The following CHRM2 variants were observed in gnomAD, a reference collection of about 807,000 sequenced individuals.
The protein encoded by CHRM2 is cholinergic receptor muscarinic 2.
A neutral mutation model predicts 25.0 loss-of-function variants in CHRM2; 8 were observed. The observed-to-expected ratio is 0.32, with a 90% CI of 0.19 to 0.58. The LOEUF (loss-of-function observed/expected upper bound fraction) is 0.58, where lower values mean the gene tolerates loss of function less well. Among genes scored for constraint, CHRM2 ranks in the 20% least tolerant of loss-of-function variants. The pLI is 0.88. For missense variants in CHRM2, 440 were observed against 567.1 expected, an observed-to-expected ratio of 0.78 and a Z score of 2.28; for synonymous variants, 202 against 205.7, an observed-to-expected ratio of 0.98 and a Z score of 0.15.
At position 137,017,424 on chromosome 7, in the gene CHRM2, A is replaced by G. The variant is rs1318550283; in HGVS notation, c.*1158A>G. On this transcript the variant is annotated 3_prime_UTR_variant, in exon 4 of 4. Transcript: ENST00000680005. ...TTGGAATCCTAAACAGGATTAACATACTCACATAGCACCAGTGATTTCTGG... is the reference window on the plus strand; with the variant it reads ...TTGGAATCCTAAACAGGATTAACATGCTCACATAGCACCAGTGATTTCTGG... 4 of 151,950 alleles carry G rather than the reference A, an allele frequency of 2.6e-5. No homozygotes were observed. In the South Asian group the frequency reaches 8.3e-4, roughly 31 times the overall value. The allele number at this position is 151,950 out of a possible 1,614,324, so 9.4% of individuals were successfully genotyped here. A position where few individuals can be genotyped will look rare whatever the true frequency, so the allele number is the denominator to read the frequency against.
intron 2 of CHRM2, among the ~76,000 whole-genome samples, chr7:136,888,745 C>T (rs964997457): frequency 2.0e-5 from 3 of 152,092 alleles, no homozygotes; most frequent in Non-Finnish European, 4.4e-5. Flanking sequence ...AGAATATTGG[C>T]GTGCTTGTTC....
At chr7:136,879,842 C>G (rs532112237) in intron 2 of CHRM2, among the ~76,000 whole-genome samples, 60 of 151,866 alleles carry the variant, frequency 4.0e-4, no homozygotes, top group Non-Finnish European at 7.4e-4. Flanking sequence ...GAAAGAAAGG[C>G]GGCCATCTTT....
At chr7:136,909,699 TAG>T (rs1241286801) in intron 2 of CHRM2, among the ~76,000 whole-genome samples, 12 of 152,054 alleles carry the variant, frequency 7.9e-5, no homozygotes, top group Middle Eastern at 3.4e-3. Context: ...CATGTTTATA[TAG>T]AGTCTTATAT....
chr7:136,978,588 C>T (rs1802266744), intron 2 of CHRM2, among the ~76,000 whole-genome samples: 1 of 152,120 alleles, frequency 6.6e-6, no homozygotes, highest in African/African-American at 2.4e-5. Flanking sequence ...TCTCCTAATG[C>T]TATCCCTTCC....
chr7:136,970,608 A>G (rs1407316457), intron 2 of CHRM2, among the ~76,000 whole-genome samples: 2 of 152,194 alleles, frequency 1.3e-5, no homozygotes, highest in Non-Finnish European at 2.9e-5. Flanking sequence ...ATAAAAGATA[A>G]TTGCTTGCTT....
chr7:136,944,575 A>G (rs904333098), intron 2 of CHRM2, among the ~76,000 whole-genome samples: 4 of 152,068 alleles, frequency 2.6e-5, no homozygotes, highest in South Asian at 4.1e-4. Context: ...TGGTTGATTG[A>G]TGAGCATCTG....
chr7:136,989,533 T>C (rs200388386), intron 2 of CHRM2, among the ~76,000 whole-genome samples: 2 of 152,178 alleles, frequency 1.3e-5, no homozygotes, highest in East Asian at 3.8e-4. Context: ...CATTAGCCTT[T>C]TGTAGGAAGT....
chr7:137,004,043 G>A (rs1283558761), intron 3 of CHRM2, among the ~76,000 whole-genome samples: 1 of 152,076 alleles, frequency 6.6e-6, no homozygotes, highest in Non-Finnish European at 1.5e-5. Flanking sequence ...AAGTTACACG[G>A]TCTTGGGTAT....
intron 2 of CHRM2, among the ~76,000 whole-genome samples, chr7:136,940,080 T>C (rs1238129409): frequency 1.3e-5 from 2 of 152,222 alleles, no homozygotes; most frequent in Non-Finnish European, 2.9e-5. Flanking sequence ...GAATCATAAA[T>C]GTAAGCAACA....
intron 2 of CHRM2, among the ~76,000 whole-genome samples, chr7:136,928,918 C>T (rs552807144): frequency 6.6e-6 from 1 of 152,104 alleles, no homozygotes; most frequent in Non-Finnish European, 1.5e-5. Flanking sequence ...CACAGGGTTG[C>T]TGTGAGGATG....
At chr7:136,942,165 A>G (rs1799810751) in intron 2 of CHRM2, among the ~76,000 whole-genome samples, 1 of 152,168 alleles carries the variant, frequency 6.6e-6, no homozygotes, top group Admixed American at 6.5e-5. Context: ...GAGTAGGATA[A>G]AGACATGAAA....
In CHRM2 at chr7:136,938,196, G is replaced by A. The variant is rs1025889474; in HGVS notation, c.-124-53991G>A. The A allele has an allele frequency of 2.0e-5, 15 of 750,576 alleles. No homozygotes were observed. The African/African-American group carries it at 2.6e-4, about 13-fold the overall frequency. 46.5% of individuals were successfully genotyped at this position (750,576 alleles called of 1,614,324 possible). On this transcript the variant is annotated intron_variant, in intron 2 of 3. Transcript: ENST00000680005. The stretch of plus-strand genomic sequence containing the variant: ...CTCTTCTGGAAGAGTCCATCGCACA[G>A]CAGGTTACTTCTCACTCAGGGTACC...
At chr7:137,004,249 G>T (rs324640) in intron 3 of CHRM2, among the ~76,000 whole-genome samples, 4 of 151,994 alleles carry the variant, frequency 2.6e-5, no homozygotes, top group African/African-American at 7.2e-5. Flanking sequence ...GCTACTTTTT[G>T]TCAGATGACA....
At chr7:136,978,136 A>T (rs1219841247) in intron 2 of CHRM2, among the ~76,000 whole-genome samples, 2 of 152,158 alleles carry the variant, frequency 1.3e-5, no homozygotes, top group Non-Finnish European at 2.9e-5. Flanking sequence ...TACTTGGGTG[A>T]CGGGATCATC....
At chr7:136,886,654 C>T (rs549757706) in intron 2 of CHRM2, among the ~76,000 whole-genome samples, 1 of 152,050 alleles carries the variant, frequency 6.6e-6, no homozygotes, top group African/African-American at 2.4e-5. Flanking sequence ...AGTATTTAAG[C>T]CCAGGAGTTC....
At chr7:136,885,693 A>G (rs1796436475) in intron 2 of CHRM2, among the ~76,000 whole-genome samples, 1 of 152,194 alleles carries the variant, frequency 6.6e-6, no homozygotes, top group Admixed American at 6.5e-5. Context: ...GTCTGTCCTG[A>G]GAGATTAGAT....
intron 2 of CHRM2, among the ~76,000 whole-genome samples, chr7:136,921,458 A>G (rs1431920469): frequency 6.6e-6 from 1 of 152,088 alleles, no homozygotes; most frequent in Non-Finnish European, 1.5e-5. Flanking sequence ...GTTCAAGTTG[A>G]CAGCTCCCCA....
chr7:136,873,169 T>C (rs547672709), intron 2 of CHRM2, among the ~76,000 whole-genome samples: 1 of 152,344 alleles, frequency 6.6e-6, no homozygotes, highest in African/African-American at 2.4e-5. Context: ...AACTGGCTTT[T>C]GCTTCCTGTA....
At chr7:137,010,733 T>C (rs1354779518) in intron 3 of CHRM2, among the ~76,000 whole-genome samples, 4 of 152,010 alleles carry the variant, frequency 2.6e-5, no homozygotes, top group African/African-American at 7.2e-5. Context: ...GAGACTGTAA[T>C]AGCAACTAAG....
Sources: gnomAD v4.1 joint callset for allele counts (sites outside exome capture counted in the v4.1 genomes callset) on GRCh38, gnomAD v4.1.1 for gene constraint, MANE v1.5 for transcripts, NCBI Gene and HGNC (gene_info 2026-07-23, HGNC 2026-07-21) for gene names.